RGS22: variants seen among roughly 807,000 people sequenced by gnomAD.
RGS22 encodes regulator of G protein signaling 22.
In RGS22, 148 loss-of-function variants were observed where a neutral mutation model predicts 172.9. The ratio of observed to expected loss-of-function variants is 0.86; its 90% CI spans 0.75 to 0.98. RGS22 has a LOEUF of 0.98. Among genes scored for constraint, RGS22 ranks in the 50% least tolerant of loss-of-function variants. The probability of loss-of-function intolerance (pLI) is 0.00; values close to 1 mark genes in which losing one functional copy is unlikely to be tolerated. For synonymous variants in RGS22, 458 were observed against 480.2 expected, an observed-to-expected ratio of 0.95 and a Z score of 0.60; for missense variants, 1,347 against 1,440.8, an observed-to-expected ratio of 0.93 and a Z score of 1.05.
intron 9 of RGS22, among the ~76,000 whole-genome samples, chr8:100,061,931 A>G (rs540572832): frequency 6.6e-6 from 1 of 152,350 alleles, no homozygotes; most frequent in East Asian, 1.9e-4. Context: ...GATAAAGAAA[A>G]TGTGGTACAT....
chr8:100,060,419 TATACAC>T (rs1810030911), intron 9 of RGS22, among the ~76,000 whole-genome samples: 1 of 128,018 alleles, frequency 7.8e-6, no homozygotes, highest in Non-Finnish European at 1.7e-5. Flanking sequence ...TATATATATA[TATACAC>T]ACACACACAC....
chr8:99,974,023 A>G (rs189889217), intron 23 of RGS22, among the ~76,000 whole-genome samples: 141 of 152,286 alleles, frequency 9.3e-4, no homozygotes, highest in African/African-American at 3.2e-3. Flanking sequence ...CATATTAACA[A>G]AAGTGTAGCA....
chr8:100,073,567 T>C (rs1048843228), intron 4 of RGS22, among the ~76,000 whole-genome samples: 1 of 152,234 alleles, frequency 6.6e-6, no homozygotes, highest in Non-Finnish European at 1.5e-5. Flanking sequence ...TGCTTATCAG[T>C]GAGATCTGAA....
At chr8:100,001,202 T>TTATATATATA (rs140189906) in intron 18 of RGS22, among the ~76,000 whole-genome samples, 15 of 124,770 alleles carry the variant, frequency 1.2e-4, no homozygotes, top group East Asian at 4.6e-4. Context: ...TCCCAATTTT[T>TTATATATATA]TATATATATA....
At chr8:99,996,245 G>A (rs897808158) in intron 20 of RGS22, among the ~76,000 whole-genome samples, 2 of 152,036 alleles carry the variant, frequency 1.3e-5, no homozygotes, top group African/African-American at 4.8e-5. Flanking sequence ...ATGTACCCTA[G>A]AACTTAAAGT....
rs541781017 is a variant in RGS22, at chr8:100,102,426, A to G, written c.54+2948T>C. On this transcript the variant is annotated intron_variant, in intron 2 of 27. Transcript: ENST00000360863. ...TACAGGTCCGTGACACATTTTTCCT[A>G]AGAATACGTAATTTATTAATGAAAA... Among the ~76,000 whole-genome samples the G allele has an allele frequency of 2.6e-5, 4 of 152,322 alleles. No individual in the cohort carries two copies. In the South Asian group the frequency reaches 8.3e-4, roughly 32 times the overall value.
intron 18 of RGS22, among the ~76,000 whole-genome samples, chr8:100,001,223 T>C (rs866949824): frequency 2.3e-5 from 3 of 130,754 alleles, no homozygotes; most frequent in South Asian, 2.4e-4. Context: ...TATATATACA[T>C]ATATATATAT....
At chr8:100,096,059 CACT>C (rs1457155444) in intron 2 of RGS22, among the ~76,000 whole-genome samples, 6 of 152,176 alleles carry the variant, frequency 3.9e-5, no homozygotes, top group Non-Finnish European at 8.8e-5. Context: ...CTTGTCACAT[CACT>C]AAGCAGTCTT....
chr8:100,008,007 T>C (rs983981702), intron 15 of RGS22, among the ~76,000 whole-genome samples: 3 of 151,334 alleles, frequency 2.0e-5, no homozygotes, highest in African/African-American at 7.3e-5. Context: ...CCTAACAATT[T>C]TTTATTTTTA....
intron 12 of RGS22, 36 bp downstream of exon 12, chr8:100,041,766 G>A (rs747039747): frequency 5.7e-5 from 63 of 1,113,804 alleles, no homozygotes; most frequent in Non-Finnish European, 8.5e-5. Flanking sequence ...TCAGTTAAAT[G>A]AAGAATCAGG....
intron 23 of RGS22, among the ~76,000 whole-genome samples, chr8:99,971,054 G>A (rs1279446657): frequency 6.6e-6 from 1 of 152,204 alleles, no homozygotes; most frequent in Non-Finnish European, 1.5e-5. Context: ...TCATCCCTGG[G>A]ATGCAAGGCT....
chr8:100,099,778 G>C (rs565527158), intron 2 of RGS22, among the ~76,000 whole-genome samples: 1 of 152,256 alleles, frequency 6.6e-6, no homozygotes, highest in East Asian at 1.9e-4. Flanking sequence ...ACCTGTCTTA[G>C]TTTCCTAAAG....
At chr8:100,079,047 T>C (rs1811560141) in intron 4 of RGS22, among the ~76,000 whole-genome samples, 1 of 152,248 alleles carries the variant, frequency 6.6e-6, no homozygotes, top group Admixed American at 6.5e-5. Flanking sequence ...CCAGATCTTT[T>C]TGAGAAACTT....
intron 12 of RGS22, 24 bp from the exon 13 acceptor site, chr8:100,040,111 T>C: frequency 6.3e-7 from 1 of 1,597,632 alleles, no homozygotes; most frequent in Non-Finnish European, 8.5e-7. Context: ...CAGAAGTCTA[T>C]TATCCACCCA....
intron 5 of RGS22, 86 bp downstream of exon 5, chr8:100,072,059 A>G: frequency 1.3e-6 from 1 of 754,520 alleles, no homozygotes; most frequent in Non-Finnish European, 2.1e-6. Context: ...TTTGCCACAC[A>G]TGGTGGCATA....
rs762415176 is a variant in RGS22, at chr8:99,977,943, CT to C, written c.3492del (p.Val1165SerfsTer2). The part of the protein sequence containing the change: ...QEYNKQKKKL[A>X]VLEDEKSGKD... ...TTTCCAGATTTTTCGTCTTCTAGGA[CT>C]GCCAATTTTTTTTTCTGCTTATTAT... is the stretch of plus-strand genomic sequence containing the variant. On this transcript the variant is annotated frameshift_variant, in exon 23 of 28. Transcript: ENST00000360863. LOFTEE classifies it high-confidence loss of function. 6.4e-7 allele frequency: 1 copy of C among 1,564,336 alleles called. No homozygotes were observed. The highest frequency in any genetic ancestry group is 8.6e-7 in the Non-Finnish European group (1 of 1,164,474).
chr8:100,096,416 C>A (rs1420283399), intron 2 of RGS22, among the ~76,000 whole-genome samples: 1 of 152,090 alleles, frequency 6.6e-6, no homozygotes, highest in Non-Finnish European at 1.5e-5. Context: ...ACTCTTGAAA[C>A]CTGTTTTTTC....
At chr8:100,053,774 T>C (rs576208992) in intron 9 of RGS22, among the ~76,000 whole-genome samples, 35 of 152,172 alleles carry the variant, frequency 2.3e-4, no homozygotes, top group African/African-American at 8.2e-4. Flanking sequence ...TAGCTGGGAC[T>C]ACAGGCGTGT....
At position 100,041,846 on chromosome 8, in the gene RGS22, T is replaced by G. The variant is rs188713602; in HGVS notation, c.1894A>C (p.Lys632Gln). 3.1e-4 allele frequency: 494 copies of G among 1,613,052 alleles called. No individual in the cohort carries two copies. Among genetic ancestry groups the G allele is most frequent in the Middle Eastern group, 8.3e-4 (5 of 6,050 alleles). ...TSFTDISECL[K>Q]PQLDRRYAYT... ...GCGTATCTTCTATCCAGCTGGGGCT[T>G]GAGACATTCAGAAATGTCAGTAAAA... Residue 632 changes from lysine to glutamine, a missense_variant, in exon 12 of 28, where the codon AAG (lysine) becomes CAG (glutamine). Lys to Gln is a moderately conservative substitution (Grantham distance 53). Transcript: ENST00000360863.
Sources: gnomAD v4.1 joint callset for allele counts (sites outside exome capture counted in the v4.1 genomes callset) on GRCh38, gnomAD v4.1.1 for gene constraint, MANE v1.5 for transcripts, NCBI Gene and HGNC (gene_info 2026-07-23, HGNC 2026-07-21) for gene names.